Variants in HDAC8 observed in about 807,000 individuals in gnomAD.
The protein encoded by HDAC8 is histone deacetylase-like 1.
Under a neutral mutation model 32.2 loss-of-function variants are expected in HDAC8, and 1 was observed. That is an observed-to-expected ratio of 0.03 (90% CI 0.01 to 0.15). HDAC8 has a LOEUF of 0.15. Ranked by LOEUF, HDAC8 falls within the 10% of genes least tolerant of loss-of-function variation. The pLI is 1.00. For synonymous variants in HDAC8, 108 were observed against 113.9 expected, an observed-to-expected ratio of 0.95 and a Z score of 0.33; for missense variants, 117 against 300.0, an observed-to-expected ratio of 0.39 and a Z score of 4.51.
chrX:72,356,209 C>G (rs908854314), intron 9 of HDAC8, among the ~76,000 whole-genome samples: 3 of 111,749 alleles, frequency 2.7e-5, no homozygotes, highest in African/African-American at 9.8e-5. Context: ...AAGATCAGCA[C>G]TAGCTATGGT....
In HDAC8 at chrX:72,332,833, G is replaced by A. The variant is rs139586685; in HGVS notation, c.1112-2757C>T. ...TGCTCGACTAATTTTTGTATTTTTA[G>A]TAGAGAGGGGATCTCACCATGTTGG... is the stretch of plus-strand genomic sequence containing the variant. On this transcript the variant is annotated intron_variant, in intron 10 of 10. Transcript: ENST00000373573. Among the ~76,000 whole-genome samples, 755 of 109,751 alleles carry A rather than the reference G, an allele frequency of 6.9e-3. 2 individuals are homozygous for A. Among genetic ancestry groups the A allele is most frequent in the African/African-American group, 0.024 (717 of 30,184 alleles).
intron 10 of HDAC8, among the ~76,000 whole-genome samples, chrX:72,346,714 C>T (rs1290557903): frequency 1.1e-5 from 1 of 95,182 alleles, no homozygotes; most frequent in Non-Finnish European, 2.0e-5. Context: ...CTGTCCATTT[C>T]TTTTCCTTCT....
chrX:72,558,933 C>A (rs917103227), intron 4 of HDAC8, among the ~76,000 whole-genome samples: 4 of 109,941 alleles, frequency 3.6e-5, no homozygotes, highest in Admixed American at 9.6e-5. Flanking sequence ...AATAGCTGTG[C>A]TATGCACCAC....
intron 9 of HDAC8, among the ~76,000 whole-genome samples, chrX:72,379,622 C>A (rs2045209889): frequency 9.3e-6 from 1 of 108,005 alleles, no homozygotes; most frequent in Non-Finnish European, 1.9e-5. Context: ...CTCAGCCTCC[C>A]AAGTAGCTAG....
chrX:72,504,415 A>C (rs1338112368), intron 4 of HDAC8, among the ~76,000 whole-genome samples: 1 of 111,983 alleles, frequency 8.9e-6, no homozygotes, highest in Non-Finnish European at 1.9e-5. Context: ...TTATATGTGT[A>C]ATCACACAAT....
Position 72,511,022 on chromosome X carries a change from C to G in HDAC8, c.438-15754G>C, listed in dbSNP as rs782534542. On this transcript the variant is annotated intron_variant, in intron 4 of 10. Coordinates refer to ENST00000373573, the MANE Select transcript of HDAC8 (RefSeq NM_018486.3). Reference sequence around the variant, plus strand: ...TCAGCCCAGATTTAGTCACTATCCTCTATCTCCAATGATCTTATTCAATAG... The same window carrying G: ...TCAGCCCAGATTTAGTCACTATCCTGTATCTCCAATGATCTTATTCAATAG... 3.6e-5 allele frequency among the ~76,000 whole-genome samples: 4 copies of G among 111,712 alleles called. No individual in the cohort carries two copies. In the South Asian group the frequency reaches 1.5e-3, roughly 42 times the overall value.
At chrX:72,423,924 C>A (rs1183624218) in intron 9 of HDAC8, among the ~76,000 whole-genome samples, 1 of 111,919 alleles carries the variant, frequency 8.9e-6, no homozygotes. Context: ...GCTGTTCTCT[C>A]CTGCATTGGA....
intron 10 of HDAC8, among the ~76,000 whole-genome samples, chrX:72,351,110 C>T (rs915309795): frequency 9.9e-5 from 11 of 111,006 alleles, no homozygotes; most frequent in Non-Finnish European, 1.9e-5. Context: ...CTTGAATTTT[C>T]CTCTTTTTTT....
At chrX:72,480,556 T>C in intron 7 of HDAC8, 3 of 263,133 alleles carry the variant, frequency 1.1e-5, no homozygotes, top group South Asian at 1.1e-4. Flanking sequence ...CATTACTGGG[T>C]ATATACCCAA....
At chrX:72,390,281 T>C (rs2045578436) in intron 9 of HDAC8, among the ~76,000 whole-genome samples, 1 of 112,144 alleles carries the variant, frequency 8.9e-6, no homozygotes, top group Non-Finnish European at 1.9e-5. Context: ...ATTCATTGCC[T>C]CTAACTATAT....
At chrX:72,404,510 C>T (rs1029196895) in intron 9 of HDAC8, among the ~76,000 whole-genome samples, 1 of 110,448 alleles carries the variant, frequency 9.1e-6, no homozygotes, top group Admixed American at 9.7e-5. Context: ...TTTTCTTAGC[C>T]AAAGTCTTTT....
chrX:72,452,791 T>C (rs2047605413), intron 9 of HDAC8, among the ~76,000 whole-genome samples: 1 of 111,276 alleles, frequency 9.0e-6, no homozygotes, highest in Admixed American at 9.6e-5. Context: ...CAATAAAAAA[T>C]TACTAAACAT....
chrX:72,500,348 T>C (rs1217613336), intron 4 of HDAC8, among the ~76,000 whole-genome samples: 1 of 111,542 alleles, frequency 9.0e-6, no homozygotes, highest in African/African-American at 3.3e-5. Context: ...CAAGCCAATA[T>C]CCTTGATGAA....
intron 4 of HDAC8, among the ~76,000 whole-genome samples, chrX:72,523,056 C>A (rs189123090): frequency 8.9e-6 from 1 of 111,806 alleles, no homozygotes; most frequent in African/African-American, 3.2e-5. Flanking sequence ...AATGCTAGGA[C>A]CAATGTCATT....
chrX:72,371,495 T>C (rs969189845), intron 9 of HDAC8, among the ~76,000 whole-genome samples: 8 of 111,421 alleles, frequency 7.2e-5, no homozygotes, highest in African/African-American at 2.6e-4. Flanking sequence ...TTTTGGGAAC[T>C]AGGAAGTCCT....
intron 4 of HDAC8, among the ~76,000 whole-genome samples, chrX:72,552,124 T>A (rs782786276): frequency 6.3e-5 from 7 of 111,972 alleles, no homozygotes; most frequent in Admixed American, 9.5e-5. Flanking sequence ...AGAGAAAATA[T>A]AGGAAACAGA....
At chrX:72,412,568 C>T (rs1404012697) in intron 9 of HDAC8, among the ~76,000 whole-genome samples, 2 of 111,019 alleles carry the variant, frequency 1.8e-5, no homozygotes, top group South Asian at 7.6e-4. Flanking sequence ...TTGGGTAGGG[C>T]CTTTAGGATA....
At chrX:72,491,356 A>C (rs781887353) in intron 5 of HDAC8, among the ~76,000 whole-genome samples, 33 of 112,072 alleles carry the variant, frequency 2.9e-4, no homozygotes, top group African/African-American at 1.0e-3. Context: ...TTATCAACAG[A>C]ATTGAATAAG....
intron 9 of HDAC8, among the ~76,000 whole-genome samples, chrX:72,407,973 A>T (rs1271372953): frequency 8.9e-6 from 1 of 111,817 alleles, no homozygotes; most frequent in Admixed American, 9.5e-5. Context: ...TTCAAGGCCC[A>T]TGGCAAGCAG....
Sources: gnomAD v4.1 joint callset for allele counts (sites outside exome capture counted in the v4.1 genomes callset) on GRCh38, gnomAD v4.1.1 for gene constraint, MANE v1.5 for transcripts, NCBI Gene and HGNC (gene_info 2026-07-23, HGNC 2026-07-21) for gene names.